Variants in MRPL1 observed in about 807,000 individuals in gnomAD.
MRPL1 encodes the protein mitochondrial ribosomal protein L1.
Under a neutral mutation model 38.0 loss-of-function variants are expected in MRPL1, and 28 were observed. The observed-to-expected ratio is 0.74, with a 90% CI of 0.55 to 1.01. The LOEUF (loss-of-function observed/expected upper bound fraction) is 1.01, where lower values mean the gene tolerates loss of function less well. MRPL1 is among the 50% of genes least tolerant of loss of function. MRPL1 has a pLI of 0.00. For synonymous variants in MRPL1, 123 were observed against 126.7 expected (o/e 0.97, Z 0.20); for missense variants, 358 against 389.8 (o/e 0.92, Z 0.69).
intron 7 of MRPL1, among the ~76,000 whole-genome samples, chr4:77,912,419 A>G (rs1163726829): frequency 1.3e-5 from 2 of 152,218 alleles, no homozygotes; most frequent in South Asian, 2.1e-4. Context: ...GCAAGGAACA[A>G]TTAGAAATTG....
At chr4:77,937,360 C>G (rs1479342048) in intron 7 of MRPL1, among the ~76,000 whole-genome samples, 15 of 152,068 alleles carry the variant, frequency 9.9e-5, no homozygotes, top group Admixed American at 9.2e-4. Context: ...AAGTGGGGAG[C>G]ACTTATTGCG....
At chr4:77,900,287 A>G (rs1392855129) in intron 6 of MRPL1, among the ~76,000 whole-genome samples, 1 of 152,218 alleles carries the variant, frequency 6.6e-6, no homozygotes, top group Non-Finnish European at 1.5e-5. Context: ...GACTACACTT[A>G]GTACTGAGGA....
rs115507889 is a variant in MRPL1, at chr4:77,900,201, G to A, written c.670+5951G>A. 2.0e-5 allele frequency among the ~76,000 whole-genome samples: 3 copies of A among 152,252 alleles called. No homozygotes were observed. The East Asian group carries it at 5.8e-4, about 29-fold the overall frequency. ...TTTAGGAGAAGCTATTCTTTTTCAT[G>A]TATTTATATATCACCTTCATAACTT... On this transcript the variant is annotated intron_variant, in intron 6 of 8. Transcript: ENST00000315567.
chr4:77,905,526 T>G (rs541944396), intron 6 of MRPL1, among the ~76,000 whole-genome samples: 129 of 135,404 alleles, frequency 9.5e-4, no homozygotes, highest in African/African-American at 3.5e-3. Flanking sequence ...AAAAAGAATA[T>G]ATGTAATTGG....
intron 1 of MRPL1, chr4:77,864,720 A>G (rs1180124080): frequency 1.3e-5 from 2 of 152,130 alleles, no homozygotes; most frequent in Non-Finnish European, 2.9e-5. Flanking sequence ...CAGGGATACA[A>G]TGAATGCTTC....
intron 5 of MRPL1, among the ~76,000 whole-genome samples, chr4:77,891,111 C>G (rs1057490787): frequency 6.6e-6 from 1 of 151,986 alleles, no homozygotes; most frequent in African/African-American, 2.4e-5. Flanking sequence ...GGTTCTAGGC[C>G]AGAGTCAGTG....
In MRPL1 at chr4:77,919,174, G is replaced by A. The variant is rs72869586; in HGVS notation, c.777+9802G>A. On this transcript the variant is annotated intron_variant, in intron 7 of 8. Coordinates refer to ENST00000315567, the MANE Select transcript of MRPL1 (RefSeq NM_020236.4). ...TTGAAGTAATTTTCAAAGGGTGACT[G>A]TTAGTATTTTATAACATACCACAAA... Among the ~76,000 whole-genome samples the A allele has an allele frequency of 5.9e-4, 90 of 152,250 alleles. 1 individual carries two copies. The highest frequency in any genetic ancestry group is 2.0e-3 in the African/African-American group (85 of 41,566).
chr4:77,929,769 T>TTA (rs545556658), intron 7 of MRPL1, among the ~76,000 whole-genome samples: 4 of 150,082 alleles, frequency 2.7e-5, no homozygotes, highest in South Asian at 2.1e-4. Flanking sequence ...GGGTTTTATT[T>TTA]AAAAAAAAAA....
intron 2 of MRPL1, among the ~76,000 whole-genome samples, chr4:77,878,974 G>A (rs1414762604): frequency 6.6e-6 from 1 of 152,182 alleles, no homozygotes; most frequent in Non-Finnish European, 1.5e-5. Flanking sequence ...TATTGCTTTT[G>A]TACAGTCTCT....
intron 6 of MRPL1, among the ~76,000 whole-genome samples, chr4:77,898,130 C>T (rs972419746): frequency 2.0e-5 from 3 of 152,110 alleles, no homozygotes; most frequent in African/African-American, 7.2e-5. Flanking sequence ...CTTTCTCATT[C>T]GAACATCATC....
At chr4:77,938,220 A>C (rs560047031) in intron 7 of MRPL1, among the ~76,000 whole-genome samples, 4 of 152,254 alleles carry the variant, frequency 2.6e-5, no homozygotes, top group Non-Finnish European at 5.9e-5. Flanking sequence ...CAGAAATGGA[A>C]GAATTGTGAC....
chr4:77,890,061 G>A (rs1180991495), intron 5 of MRPL1, among the ~76,000 whole-genome samples: 1 of 152,158 alleles, frequency 6.6e-6, no homozygotes, highest in Non-Finnish European at 1.5e-5. Flanking sequence ...ACAAAGAGGA[G>A]CTGGTACCAT....
intron 2 of MRPL1, 150 bp downstream of exon 2, chr4:77,872,005 T>TATATTATG: frequency 1.6e-6 from 1 of 607,544 alleles, no homozygotes; most frequent in Non-Finnish European, 2.9e-6. Context: ...GAAGGAAAGA[T>TATATTATG]AAGACATAAT....
Position 77,877,447 on chromosome 4 carries a change from G to A in MRPL1, c.143+5592G>A, listed in dbSNP as rs73827449. ...CTGGGTTGCTGGAGGGTTTTTCTCA[G>A]CGTTCCTGTTCATGCTCAATTTTCT... is the stretch of plus-strand genomic sequence containing the variant. On this transcript the variant is annotated intron_variant, in intron 2 of 8. Transcript: ENST00000315567. Among the ~76,000 whole-genome samples the A allele has an allele frequency of 5.0e-3, 743 of 147,434 alleles. 11 individuals are homozygous for A. The highest frequency in any genetic ancestry group is 0.018 in the African/African-American group (713 of 39,468).
At chr4:77,913,530 C>T (rs748528502) in intron 7 of MRPL1, among the ~76,000 whole-genome samples, 2 of 152,170 alleles carry the variant, frequency 1.3e-5, no homozygotes, top group Non-Finnish European at 2.9e-5. Context: ...CTTGAGCACT[C>T]TTACAGCGTT....
At chr4:77,919,886 C>A (rs1469147741) in intron 7 of MRPL1, among the ~76,000 whole-genome samples, 1 of 151,358 alleles carries the variant, frequency 6.6e-6, no homozygotes, top group Admixed American at 6.6e-5. Flanking sequence ...TAGCAATTAG[C>A]AGACTTTTAT....
intron 7 of MRPL1, among the ~76,000 whole-genome samples, chr4:77,926,027 A>C (rs1736705119): frequency 6.6e-6 from 1 of 152,214 alleles, no homozygotes; most frequent in Non-Finnish European, 1.5e-5. Flanking sequence ...CCAACTCTTA[A>C]ATCAGCAATG....
At chr4:77,871,292 G>A (rs1459427739) in intron 1 of MRPL1, among the ~76,000 whole-genome samples, 1 of 149,414 alleles carries the variant, frequency 6.7e-6, no homozygotes, top group Non-Finnish European at 1.5e-5. Flanking sequence ...CAAGAACTGT[G>A]GTTTCTATTA....
At chr4:77,920,798 G>C (rs1736554239) in intron 7 of MRPL1, among the ~76,000 whole-genome samples, 1 of 151,454 alleles carries the variant, frequency 6.6e-6, no homozygotes, top group African/African-American at 2.4e-5. Context: ...TATTTACTCT[G>C]TCCCCCACAA....
Sources: gnomAD v4.1 joint callset for allele counts (sites outside exome capture counted in the v4.1 genomes callset) on GRCh38, gnomAD v4.1.1 for gene constraint, MANE v1.5 for transcripts, NCBI Gene and HGNC (gene_info 2026-07-23, HGNC 2026-07-21) for gene names.